ADARB2: variants seen among roughly 807,000 people sequenced by gnomAD.
The protein encoded by ADARB2 is inactive double-stranded RNA-specific editase B2.
In ADARB2, 25 loss-of-function variants were observed where a neutral mutation model predicts 62.2. The observed-to-expected ratio is 0.40, with a 90% CI of 0.29 to 0.56. ADARB2 has a LOEUF of 0.56. Ranked by LOEUF, ADARB2 falls within the 20% of genes least tolerant of loss-of-function variation. ADARB2 has a pLI of 0.43. For synonymous variants in ADARB2, 572 were observed against 500.8 expected (o/e 1.14, Z -1.90); for missense variants, 1,071 against 1,077.4 (o/e 0.99, Z 0.08).
intron 1 of ADARB2, among the ~76,000 whole-genome samples, chr10:1,729,124 A>G (rs533786116): frequency 3.3e-5 from 5 of 152,350 alleles, no homozygotes; most frequent in African/African-American, 1.2e-4. Flanking sequence ...TAAAAAGGTT[A>G]TCTGTAGTAG....
intron 2 of ADARB2, among the ~76,000 whole-genome samples, chr10:1,364,315 G>GTGCCCAA (rs2131851427): frequency 6.6e-6 from 1 of 151,224 alleles, no homozygotes; most frequent in Non-Finnish European, 1.5e-5. Context: ...TCCAGGCCCG[G>GTGCCCAA]TGCCCAATGC....
chr10:1,484,898 G>A (rs1237021054), intron 1 of ADARB2, among the ~76,000 whole-genome samples: 2 of 152,136 alleles, frequency 1.3e-5, no homozygotes, highest in African/African-American at 2.4e-5. Context: ...GGATTTGTAG[G>A]TGCACTTGTA....
At chr10:1,474,757 C>T (rs1205435564) in intron 1 of ADARB2, among the ~76,000 whole-genome samples, 2 of 152,170 alleles carry the variant, frequency 1.3e-5, no homozygotes, top group Non-Finnish European at 2.9e-5. Flanking sequence ...CTGGGTGGGG[C>T]ATCCAAGCCT....
chr10:1,262,452 A>C (rs1222727686), intron 4 of ADARB2, among the ~76,000 whole-genome samples: 1 of 152,100 alleles, frequency 6.6e-6, no homozygotes, highest in Non-Finnish European at 1.5e-5. Flanking sequence ...AAAATCAAAC[A>C]ACCCCATGAA....
intron 1 of ADARB2, among the ~76,000 whole-genome samples, chr10:1,555,663 G>A (rs747809348): frequency 2.6e-5 from 4 of 152,196 alleles, no homozygotes; most frequent in African/African-American, 7.2e-5. Context: ...GGCCGGGCGC[G>A]GTGGCTCATG....
intron 1 of ADARB2, among the ~76,000 whole-genome samples, chr10:1,683,597 G>A (rs896099497): frequency 1.3e-5 from 2 of 152,154 alleles, no homozygotes; most frequent in Non-Finnish European, 2.9e-5. Context: ...GATGCTGGTG[G>A]AGAAACACTT....
At chr10:1,299,249 G>C (rs921397911) in intron 3 of ADARB2, among the ~76,000 whole-genome samples, 1 of 151,920 alleles carries the variant, frequency 6.6e-6, no homozygotes, top group Non-Finnish European at 1.5e-5. Context: ...AGCCCGGAAG[G>C]CATCAGGAGC....
intron 1 of ADARB2, among the ~76,000 whole-genome samples, chr10:1,721,398 T>C (rs774007052): frequency 2.0e-5 from 3 of 152,240 alleles, no homozygotes; most frequent in Non-Finnish European, 2.9e-5. Flanking sequence ...ACCACCTTAC[T>C]GTCAGCGTGT....
intron 5 of ADARB2, chr10:1,240,294 TCCC>T (rs1386881326): frequency 8.3e-6 from 1 of 119,952 alleles, no homozygotes; most frequent in Non-Finnish European, 1.9e-5. Flanking sequence ...CGGTGTTTAC[TCCC>T]CTCTCCCTCC....
rs113409801 is a variant in ADARB2 at position 1,482,662 on chromosome 10, T to C, written c.101-103502A>G. ...CTGTACACTAAAAAGTGGTAAATTT[T>C]GTATTATGTGTATTTTACCACAAAA... On this transcript the variant is annotated intron_variant, in intron 1 of 9. Transcript: ENST00000381312. 2.5e-3 allele frequency among the ~76,000 whole-genome samples: 378 copies of C among 152,320 alleles called. 4 individuals carry two copies. Among genetic ancestry groups the C allele is most frequent in the African/African-American group, 8.5e-3 (353 of 41,556 alleles).
chr10:1,637,890 A>G (rs906911584), intron 1 of ADARB2, among the ~76,000 whole-genome samples: 12 of 152,234 alleles, frequency 7.9e-5, no homozygotes, highest in African/African-American at 2.9e-4. Flanking sequence ...TGAATGGAAA[A>G]GTAGAAATTA....
At chr10:1,503,916 C>A (rs1294401361) in intron 1 of ADARB2, among the ~76,000 whole-genome samples, 1 of 152,172 alleles carries the variant, frequency 6.6e-6, no homozygotes, top group East Asian at 1.9e-4. Flanking sequence ...CTTCACGCTT[C>A]TTGTACAGCC....
chr10:1,245,740 A>T (rs943239385), intron 4 of ADARB2, among the ~76,000 whole-genome samples: 4 of 152,174 alleles, frequency 2.6e-5, no homozygotes, highest in African/African-American at 9.7e-5. Flanking sequence ...TCTATCACTG[A>T]TGGACATTTT....
intron 1 of ADARB2, among the ~76,000 whole-genome samples, chr10:1,468,733 C>T (rs900232342): frequency 3.3e-5 from 5 of 152,230 alleles, no homozygotes; most frequent in African/African-American, 1.2e-4. Context: ...ACTCAGACCC[C>T]CGGCTACCTT....
intron 1 of ADARB2, among the ~76,000 whole-genome samples, chr10:1,510,114 T>TTCTCTCTC (rs763583273): frequency 5.0e-5 from 3 of 59,458 alleles, no homozygotes; most frequent in African/African-American, 1.3e-4. Context: ...CTTTCTCTCT[T>TTCTCTCTC]TCTTTCTTTC....
intron 1 of ADARB2, among the ~76,000 whole-genome samples, chr10:1,627,509 C>T (rs975972588): frequency 6.6e-6 from 1 of 152,066 alleles, no homozygotes; most frequent in African/African-American, 2.4e-5. Context: ...TTGCACAGAC[C>T]CCATAATCAA....
At chr10:1,649,444 G>A (rs939696752) in intron 1 of ADARB2, among the ~76,000 whole-genome samples, 3 of 152,150 alleles carry the variant, frequency 2.0e-5, no homozygotes, top group Non-Finnish European at 4.4e-5. Context: ...CATCTTTCCT[G>A]ACCATTCTGT....
At chr10:1,727,450 T>C (rs1835180753) in intron 1 of ADARB2, among the ~76,000 whole-genome samples, 1 of 152,182 alleles carries the variant, frequency 6.6e-6, no homozygotes, top group South Asian at 2.1e-4. Flanking sequence ...CCCGAAAATG[T>C]TCCCCTCTCC....
chr10:1,323,239 C>T (rs1831810732), intron 3 of ADARB2, among the ~76,000 whole-genome samples: 1 of 126,116 alleles, frequency 7.9e-6, no homozygotes, highest in African/African-American at 3.2e-5. Flanking sequence ...CTATGGGATA[C>T]TTTGAAATTG....
Sources: allele counts gnomAD v4.1 joint callset (sites outside exome capture counted in the v4.1 genomes callset), GRCh38; gene constraint gnomAD v4.1.1; transcripts MANE v1.5; gene names NCBI Gene and HGNC (gene_info 2026-07-23, HGNC 2026-07-21).